COL14A1: variants seen among roughly 807,000 people sequenced by gnomAD.
COL14A1 encodes the protein collagen alpha-1(XIV) chain.
Under a neutral mutation model 230.3 loss-of-function variants are expected in COL14A1, and 136 were observed. The ratio of observed to expected loss-of-function variants is 0.59; its 90% CI spans 0.51 to 0.68. The LOEUF is 0.68. COL14A1 is among the 30% of genes least tolerant of loss of function. The pLI is 0.00. For synonymous variants in COL14A1, 792 were observed against 784.1 expected (o/e 1.01, Z -0.17); for missense variants, 1,976 against 2,215.8 (o/e 0.89, Z 2.17).
At position 120,193,367 on chromosome 8, in the gene COL14A1, C is replaced by T. The variant is rs182709158; in HGVS notation, c.437-3424C>T. On this transcript the variant is annotated intron_variant, in intron 5 of 47. Coordinates refer to ENST00000297848, the MANE Select transcript of COL14A1 (RefSeq NM_021110.4). ...CGGTGGCTGCAGAACAGTAGATTTT[C>T]GTGATCCGCGAATGCTGCTGTCTGA... 1.0e-3 allele frequency among the ~76,000 whole-genome samples: 158 copies of T among 152,278 alleles called. 1 individual carries two copies. Among genetic ancestry groups the T allele is most frequent in the African/African-American group, 3.5e-3 (146 of 41,548 alleles).
intron 26 of COL14A1, among the ~76,000 whole-genome samples, chr8:120,271,237 G>A: frequency 6.6e-6 from 1 of 151,664 alleles, no homozygotes. Flanking sequence ...GTGGAGGGTA[G>A]GAGGATAGTG....
chr8:120,358,478 G>A (rs748012619), intron 45 of COL14A1, among the ~76,000 whole-genome samples: 2 of 151,704 alleles, frequency 1.3e-5, no homozygotes, highest in African/African-American at 2.4e-5. Context: ...TTCACACCTT[G>A]AGCCCTGATA....
At position 120,243,902 on chromosome 8, in the gene COL14A1, C is replaced by G; in HGVS notation, c.2373C>G (p.Asn791Lys). 6.2e-7 allele frequency: 1 copy of G among 1,613,598 alleles called. No homozygotes were observed. Among genetic ancestry groups the G allele is most frequent in the East Asian group, 2.2e-5 (1 of 44,860 alleles). Residue 791 changes from asparagine (N) to lysine (K), a missense_variant, in exon 20 of 48, where the codon AAC becomes AAG. By Grantham distance (94) the Asn-to-Lys change is moderately conservative (BLOSUM62 0). Transcript: ENST00000297848. ...AGGTTATGGTGCCTGGAAGCCAGAA[C>G]AACCTCCTTCTGAAGCCTCTGCTTC... ...IGTVMVPGSQ[N>K]NLLLKPLLPD...
intron 4 of COL14A1, 130 bp from the exon 5 acceptor site, chr8:120,168,031 G>A: frequency 1.9e-6 from 1 of 523,838 alleles, no homozygotes; most frequent in South Asian, 3.3e-5. Context: ...AATATTTGGG[G>A]ATGAGTTTGT....
At chr8:120,173,466 A>G (rs1217937141) in intron 5 of COL14A1, among the ~76,000 whole-genome samples, 2 of 152,118 alleles carry the variant, frequency 1.3e-5, no homozygotes, top group Non-Finnish European at 2.9e-5. Context: ...TGAAACCAAA[A>G]TATGGGTACT....
intron 5 of COL14A1, among the ~76,000 whole-genome samples, chr8:120,171,740 C>T (rs1439596112): frequency 6.6e-6 from 1 of 152,108 alleles, no homozygotes; most frequent in Non-Finnish European, 1.5e-5. Context: ...TATCTTTCAC[C>T]AGGATTAGAA....
intron 5 of COL14A1, among the ~76,000 whole-genome samples, chr8:120,183,159 T>C (rs1254540329): frequency 6.6e-6 from 1 of 152,104 alleles, no homozygotes; most frequent in African/African-American, 2.4e-5. Flanking sequence ...GATGGGGGAA[T>C]AAAAATTGAG....
chr8:120,206,604 C>T (rs1014872194), intron 9 of COL14A1, among the ~76,000 whole-genome samples: 3 of 152,212 alleles, frequency 2.0e-5, no homozygotes, highest in Admixed American at 6.5e-5. Flanking sequence ...CCGCCTCGGC[C>T]TCCCAAAGTG....
chr8:120,371,261 G>T lies in COL14A1; in HGVS notation c.*30G>T, dbSNP rs751985718. The stretch of plus-strand genomic sequence containing the variant: ...CTCAGGAGAAATTTGAAGACCAACT[G>T]CAAGAACTCTTAAGGAATCTTGTTT... On this transcript the variant is annotated 3_prime_UTR_variant, in exon 48 of 48. Transcript: ENST00000297848. 1 of 1,545,028 alleles carries T rather than the reference G, an allele frequency of 6.5e-7. No individual in the cohort carries two copies. The highest frequency in any genetic ancestry group is 1.1e-5 in the South Asian group (1 of 87,558).
intron 5 of COL14A1, among the ~76,000 whole-genome samples, chr8:120,187,205 A>C (rs1034901300): frequency 2.6e-5 from 4 of 152,242 alleles, no homozygotes; most frequent in Non-Finnish European, 5.9e-5. Flanking sequence ...CTTTAATTTG[A>C]ATACCATTAG....
chr8:120,342,887 C>T (rs982128980), intron 44 of COL14A1, among the ~76,000 whole-genome samples: 6 of 152,310 alleles, frequency 3.9e-5, no homozygotes, highest in Non-Finnish European at 8.8e-5. Context: ...TCCTTCTTAT[C>T]CATTTCACAT....
In COL14A1 at chr8:120,270,193, T is replaced by G. The variant is rs757362403; in HGVS notation, c.3213+19T>G. Reference sequence around the variant, plus strand: ...AACCCAAGTAAGGCTAATAAATAATTAATTCATTCTATGTATTTAGAAATT... The same window carrying G: ...AACCCAAGTAAGGCTAATAAATAATGAATTCATTCTATGTATTTAGAAATT... On this transcript the variant is annotated intron_variant, in intron 26 of 47. Coordinates refer to ENST00000297848, the MANE Select transcript of COL14A1 (RefSeq NM_021110.4). The G allele has an allele frequency of 3.7e-6, 6 of 1,600,432 alleles. No individual in the cohort carries two copies. In the South Asian group the frequency reaches 6.7e-5, roughly 18 times the overall value.
At chr8:120,179,394 A>G (rs1563654245) in intron 5 of COL14A1, among the ~76,000 whole-genome samples, 1 of 152,190 alleles carries the variant, frequency 6.6e-6, no homozygotes, top group African/African-American at 2.4e-5. Flanking sequence ...ATACACCAAT[A>G]ACAGACAAAC....
intron 44 of COL14A1, among the ~76,000 whole-genome samples, chr8:120,344,429 A>G (rs1316846865): frequency 6.6e-6 from 1 of 152,224 alleles, no homozygotes; most frequent in Non-Finnish European, 1.5e-5. Flanking sequence ...AAGTGATGAC[A>G]GCTGGGAAAA....
intron 36 of COL14A1, among the ~76,000 whole-genome samples, chr8:120,304,692 T>G (rs1298846756): frequency 1.3e-5 from 2 of 152,182 alleles, no homozygotes; most frequent in Non-Finnish European, 2.9e-5. Context: ...AATTTTCTAA[T>G]TTGTCTAACT....
chr8:120,206,866 C>A, intron 9 of COL14A1, 77 bp from the exon 10 acceptor site: 1 of 1,330,014 alleles, frequency 7.5e-7, no homozygotes. Flanking sequence ...ATATTTATTT[C>A]TGTCTAATGA....
At position 120,196,907 on chromosome 8, in the gene COL14A1, G is replaced by T; in HGVS notation, c.553G>T (p.Val185Phe). The T allele has an allele frequency of 6.2e-7, 1 of 1,613,982 alleles. No individual in the cohort carries two copies. Among genetic ancestry groups the T allele is most frequent in the South Asian group, 1.1e-5 (1 of 91,046 alleles). ...GGTTCGGCATTTCTTGGAAAACCTG[G>T]TTACAGCATTCGATGTGGGCTCAGA... ...RLVRHFLENL[V>F]TAFDVGSEKT... Residue 185 changes from valine (V) to phenylalanine (F), a missense_variant, in exon 6 of 48, where the codon GTT becomes TTT. Transcript: ENST00000297848.
chr8:120,145,018 A>G (rs1258007194), intron 1 of COL14A1, among the ~76,000 whole-genome samples: 1 of 152,244 alleles, frequency 6.6e-6, no homozygotes, highest in Non-Finnish European at 1.5e-5. Flanking sequence ...CTAAGTATAT[A>G]TGAGTTAAAA....
At chr8:120,176,359 C>T (rs906778280) in intron 5 of COL14A1, among the ~76,000 whole-genome samples, 1 of 152,062 alleles carries the variant, frequency 6.6e-6, no homozygotes, top group Non-Finnish European at 1.5e-5. Context: ...GGAGAAGGGC[C>T]AGTTCTGAAT....
Sources: allele counts gnomAD v4.1 joint callset (sites outside exome capture counted in the v4.1 genomes callset), GRCh38; gene constraint gnomAD v4.1.1; transcripts MANE v1.5; gene names NCBI Gene and HGNC (gene_info 2026-07-23, HGNC 2026-07-21).